LIMCH1: variants seen among roughly 807,000 people sequenced by gnomAD.
The protein encoded by LIMCH1 is LIM and calponin homology domains 1.
In LIMCH1, 113 loss-of-function variants were observed where a neutral mutation model predicts 176.5. The observed-to-expected ratio is 0.64, with a 90% CI of 0.55 to 0.75. The LOEUF (loss-of-function observed/expected upper bound fraction) is 0.75, where lower values mean the gene tolerates loss of function less well. LIMCH1 is among the 30% of genes least tolerant of loss of function. The pLI is 0.00. For missense variants in LIMCH1, 1,674 were observed against 1,814.9 expected, an observed-to-expected ratio of 0.92 and a Z score of 1.41; for synonymous variants, 619 against 645.9, an observed-to-expected ratio of 0.96 and a Z score of 0.63.
At chr4:41,683,277 G>A (rs1436315836) in intron 26 of LIMCH1, among the ~76,000 whole-genome samples, 4 of 152,092 alleles carry the variant, frequency 2.6e-5, no homozygotes, top group African/African-American at 9.7e-5. Flanking sequence ...ATGCTCTACT[G>A]TGTTCCATGG....
chr4:41,522,664 G>C (rs2076238775), intron 2 of LIMCH1, among the ~76,000 whole-genome samples: 1 of 152,022 alleles, frequency 6.6e-6, no homozygotes, highest in African/African-American at 2.4e-5. Context: ...CAGAAGATTT[G>C]GGATATTTAC....
intron 30 of LIMCH1, 132 bp from the exon 31 acceptor site, chr4:41,692,150 C>A: frequency 1.6e-6 from 1 of 642,994 alleles, no homozygotes; most frequent in Admixed American, 2.4e-5. Flanking sequence ...CAGCATCTTA[C>A]ACATAATAGA....
intron 1 of LIMCH1, among the ~76,000 whole-genome samples, chr4:41,556,679 G>A (rs976351053): frequency 6.6e-6 from 1 of 152,122 alleles, no homozygotes; most frequent in African/African-American, 2.4e-5. Context: ...AGCTGAGATG[G>A]GATTTGAATC....
At chr4:41,561,766 G>T (rs956579789) in intron 1 of LIMCH1, among the ~76,000 whole-genome samples, 4 of 152,114 alleles carry the variant, frequency 2.6e-5, no homozygotes, top group Non-Finnish European at 5.9e-5. Flanking sequence ...ATCAAAAAGA[G>T]ACTAGGGGAA....
At chr4:41,673,133 C>T (rs1323800426) in intron 22 of LIMCH1, among the ~76,000 whole-genome samples, 1 of 152,106 alleles carries the variant, frequency 6.6e-6, no homozygotes, top group Non-Finnish European at 1.5e-5. Context: ...TCACTTGTTG[C>T]ATAACCCTTG....
chr4:41,566,289 T>C lies in LIMCH1; in HGVS notation c.-241+27939T>C, dbSNP rs4639115. Reference sequence around the variant, plus strand: ...AATGGCATCTAGCATGATGAATCCTTTCCAGAAGGTCTTCAATTTGCTTTG... The same window carrying C: ...AATGGCATCTAGCATGATGAATCCTCTCCAGAAGGTCTTCAATTTGCTTTG... On this transcript the variant is annotated intron_variant, in intron 1 of 31. Transcript: ENST00000503057. 5.2e-3 allele frequency among the ~76,000 whole-genome samples: 797 copies of C among 152,340 alleles called. 8 individuals are homozygous for C. Among genetic ancestry groups the C allele is most frequent in the Admixed American group, 7.2e-3 (110 of 15,302 alleles).
chr4:41,604,005 A>G, intron 3 of LIMCH1, 100 bp downstream of exon 3: 5 of 1,107,228 alleles, frequency 4.5e-6, no homozygotes, highest in Non-Finnish European at 6.7e-6. Context: ...AAGTCCTTAG[A>G]AAAAAGTATA....
At chr4:41,672,197 C>T (rs987515211) in intron 22 of LIMCH1, among the ~76,000 whole-genome samples, 2 of 152,046 alleles carry the variant, frequency 1.3e-5, no homozygotes, top group Non-Finnish European at 2.9e-5. Context: ...TGGTGAAACC[C>T]CGTCTCTACT....
chr4:41,499,099 G>C (rs1213754785), intron 2 of LIMCH1, among the ~76,000 whole-genome samples: 1 of 152,182 alleles, frequency 6.6e-6, no homozygotes, highest in African/African-American at 2.4e-5. Context: ...AGTTTGGGCA[G>C]TGCAAAATGC....
chr4:41,671,437 C>T, intron 21 of LIMCH1, 117 bp from the exon 22 acceptor site: 1 of 683,636 alleles, frequency 1.5e-6, no homozygotes. Flanking sequence ...CACACACACA[C>T]ACAAAATTGG....
intron 1 of LIMCH1, among the ~76,000 whole-genome samples, chr4:41,596,048 C>CAAAAAAAAAAAAAAAAAAAAAAAA (rs1452167402): frequency 6.0e-5 from 6 of 100,660 alleles, no homozygotes; most frequent in African/African-American, 4.1e-4. Flanking sequence ...GACTCCATCT[C>CAAAAAAAAAAAAAAAAAAAAAAAA]AAAAAAAAAA....
At chr4:41,460,476 A>ATATATATATATCTATCTATC (rs965621988) in intron 1 of LIMCH1, among the ~76,000 whole-genome samples, 2 of 142,642 alleles carry the variant, frequency 1.4e-5, no homozygotes, top group African/African-American at 5.4e-5. Context: ...ATATATATAT[A>ATATATATATATCTATCTATC]TATCTTATAA....
At chr4:41,577,030 T>G (rs2084596836) in intron 1 of LIMCH1, among the ~76,000 whole-genome samples, 1 of 151,958 alleles carries the variant, frequency 6.6e-6, no homozygotes, top group Non-Finnish European at 1.5e-5. Flanking sequence ...CCCTCACGTA[T>G]GGAGGGCCGA....
chr4:41,672,476 AT>A (rs1369187427), intron 22 of LIMCH1, among the ~76,000 whole-genome samples: 2 of 152,224 alleles, frequency 1.3e-5, no homozygotes, highest in Non-Finnish European at 2.9e-5. Context: ...TATGAGGATA[AT>A]ACTTGAACAT....
Position 41,629,648 on chromosome 4 carries a change from C to A in LIMCH1, c.1185C>A (p.Arg395=), listed in dbSNP as rs898043613. ...TTCAGGGCAGCCTTGCCCCTCACCG[C>A]GAGCCCCCGAGCTTCATTACGCTCT... The part of the protein sequence containing the change: ...QRIQGSLAPH[R]EPPSFITLSN... The change falls in exon 9 of 32, where the codon CGC becomes CGA. Residue 395 remains arginine, a synonymous_variant. Coordinates refer to ENST00000503057, the MANE Select transcript of LIMCH1 (RefSeq NM_001330672.2). The A allele has an allele frequency of 3.3e-6, 5 of 1,535,896 alleles. No homozygotes were observed. The highest frequency in any genetic ancestry group is 1.4e-5 in the African/African-American group (1 of 72,986).
At chr4:41,518,490 G>T (rs2075811735) in intron 2 of LIMCH1, among the ~76,000 whole-genome samples, 7 of 152,150 alleles carry the variant, frequency 4.6e-5, no homozygotes, top group Admixed American at 4.6e-4. Flanking sequence ...GATATTAGGG[G>T]TGCAAAGAGT....
At chr4:41,674,253 G>A (rs1212249910) in intron 22 of LIMCH1, among the ~76,000 whole-genome samples, 1 of 152,086 alleles carries the variant, frequency 6.6e-6, no homozygotes, top group Non-Finnish European at 1.5e-5. Flanking sequence ...ACCGCCTAGT[G>A]AAATTTAGAA....
chr4:41,689,807 G>T (rs1321524873), intron 30 of LIMCH1, 172 bp downstream of exon 30: 2 of 498,060 alleles, frequency 4.0e-6, no homozygotes, highest in Non-Finnish European at 7.3e-6. Context: ...GAATCCCTCT[G>T]GGATGTCAGA....
At chr4:41,409,075 T>C (rs2059247620) in intron 1 of LIMCH1, among the ~76,000 whole-genome samples, 1 of 152,118 alleles carries the variant, frequency 6.6e-6, no homozygotes, top group African/African-American at 2.4e-5. Flanking sequence ...AGTGTGGGAG[T>C]GTGTGCTTGC....
Sources: allele counts gnomAD v4.1 joint callset (sites outside exome capture counted in the v4.1 genomes callset), GRCh38; gene constraint gnomAD v4.1.1; transcripts MANE v1.5; gene names NCBI Gene and HGNC (gene_info 2026-07-23, HGNC 2026-07-21).